Variants in FAM227B observed in about 807,000 individuals in gnomAD.
FAM227B encodes family with sequence similarity 227 member B.
A neutral mutation model predicts 73.8 loss-of-function variants in FAM227B; 88 were observed. The observed-to-expected ratio is 1.19, with a 90% CI of 1.00 to 1.42. The LOEUF is 1.42. Ranked by LOEUF, FAM227B falls within the 40% of genes most tolerant of loss-of-function variation. FAM227B has a pLI of 0.00. For synonymous variants in FAM227B, 210 were observed against 190.5 expected, an observed-to-expected ratio of 1.10 and a Z score of -0.84; for missense variants, 632 against 590.9, an observed-to-expected ratio of 1.07 and a Z score of -0.72.
intron 5 of FAM227B, among the ~76,000 whole-genome samples, chr15:49,586,828 A>G (rs1280995032): frequency 3.9e-5 from 6 of 152,206 alleles, no homozygotes; most frequent in African/African-American, 7.2e-5. Context: ...GCAATGAGAT[A>G]CCATCTCACA....
intron 11 of FAM227B, among the ~76,000 whole-genome samples, chr15:49,419,994 T>C (rs949301945): frequency 2.0e-5 from 3 of 152,192 alleles, no homozygotes; most frequent in African/African-American, 7.2e-5. Flanking sequence ...TACAATTTAA[T>C]GGCATTTTCA....
rs191740733 is a variant in FAM227B, at chr15:49,385,500, A to C, written c.1013-14101T>G. Among the ~76,000 whole-genome samples the C allele has an allele frequency of 1.1e-4, 17 of 151,898 alleles. 1 individual carries two copies. In the East Asian group the frequency reaches 3.3e-3, roughly 29 times the overall value. On this transcript the variant is annotated intron_variant, in intron 11 of 15. Transcript: ENST00000299338. ...AATGGTAATCAATATTGTTATTAAT[A>C]AAAGGGGTTCTAAGCCTTAAAACAA...
At chr15:49,600,352 T>C (rs960279988) in intron 3 of FAM227B, among the ~76,000 whole-genome samples, 3 of 130,220 alleles carry the variant, frequency 2.3e-5, no homozygotes, top group African/African-American at 5.1e-5. Flanking sequence ...CTTTCTTTCT[T>C]TTTTTTTTTT....
intron 11 of FAM227B, chr15:49,487,166 CA>C (rs1280037564): frequency 1.3e-5 from 2 of 151,760 alleles, no homozygotes; most frequent in African/African-American, 4.8e-5. Context: ...TGATTTGACT[CA>C]AAAGGAGAAA....
rs888847038 is a variant in FAM227B at position 49,620,818 on chromosome 15, C to G, written c.-191G>C. 1 of 152,144 alleles carries G rather than the reference C, an allele frequency of 6.6e-6. No individual in the cohort carries two copies. Among genetic ancestry groups the G allele is most frequent in the South Asian group, 2.1e-4 (1 of 4,822 alleles). 9.4% of individuals were successfully genotyped at this position (152,144 alleles called of 1,614,324 possible). A position where few individuals can be genotyped will look rare whatever the true frequency, so the allele number is the denominator to read the frequency against. On this transcript the variant is annotated 5_prime_UTR_variant, in exon 1 of 16. Coordinates refer to ENST00000299338, the MANE Select transcript of FAM227B (RefSeq NM_152647.3). ...GCTTGAGGCGGGTCCCGGACGAACG[C>G]GGCCCTGCCCCTCGCCGGAGCCTCT...
chr15:49,365,859 T>C (rs569741232), intron 13 of FAM227B: 1 of 906,376 alleles, frequency 1.1e-6, no homozygotes, highest in African/African-American at 1.6e-5. Flanking sequence ...CAATTGTGCA[T>C]TGTCCATATG....
At chr15:49,424,251 T>C (rs2049933431) in intron 11 of FAM227B, 1 of 1,536,916 alleles carries the variant, frequency 6.5e-7, no homozygotes, top group Non-Finnish European at 8.9e-7. Flanking sequence ...CAACTCAAGA[T>C]TCATTTTCAT....
intron 11 of FAM227B, among the ~76,000 whole-genome samples, chr15:49,438,484 T>C (rs1224602626): frequency 1.3e-5 from 2 of 151,716 alleles, no homozygotes; most frequent in Admixed American, 6.6e-5. Flanking sequence ...GGGAGAAAAG[T>C]AGGCTAGAAA....
At chr15:49,589,357 C>T (rs530679857) in intron 4 of FAM227B, among the ~76,000 whole-genome samples, 18 of 152,132 alleles carry the variant, frequency 1.2e-4, no homozygotes, top group Non-Finnish European at 2.4e-4. Flanking sequence ...TGTACCTCCA[C>T]TCCAATTTAA....
At chr15:49,553,375 G>C (rs8025059) in intron 9 of FAM227B, among the ~76,000 whole-genome samples, 49,607 of 152,046 alleles carry the variant, frequency 0.33, 8,839 homozygotes, top group African/African-American at 0.45. Context: ...TGGGTAAGAC[G>C]TGAAGCCAGA....
intron 13 of FAM227B, among the ~76,000 whole-genome samples, chr15:49,353,317 C>T (rs1253596224): frequency 6.6e-6 from 1 of 152,102 alleles, no homozygotes; most frequent in Non-Finnish European, 1.5e-5. Context: ...TATGTTTCCT[C>T]TCTGATCCTC....
At chr15:49,524,119 A>G (rs1424874861) in intron 10 of FAM227B, among the ~76,000 whole-genome samples, 1 of 152,220 alleles carries the variant, frequency 6.6e-6, no homozygotes, top group Non-Finnish European at 1.5e-5. Flanking sequence ...AGTAATGAAG[A>G]GCTGAATGTT....
intron 11 of FAM227B, chr15:49,424,483 G>C (rs747759102): frequency 6.2e-7 from 1 of 1,613,458 alleles, no homozygotes; most frequent in South Asian, 1.1e-5. Flanking sequence ...TGGAAGGAGG[G>C]GATATAAGAG....
chr15:49,378,888 A>G (rs896203271), intron 11 of FAM227B, among the ~76,000 whole-genome samples: 4 of 151,798 alleles, frequency 2.6e-5, no homozygotes. Context: ...TAGATCTTAG[A>G]GCTTTTAGTT....
At position 49,423,014 on chromosome 15, in the gene FAM227B, C is replaced by T. The variant is rs188336070; in HGVS notation, c.1013-51615G>A. On this transcript the variant is annotated intron_variant, in intron 11 of 15. Transcript: ENST00000299338. Reference sequence around the variant, plus strand: ...AAAGAAGGTTTAAAAAATTCCCTTTCCCCTTCTAACTGCTTCAGAACCAGA... The same window carrying T: ...AAAGAAGGTTTAAAAAATTCCCTTTTCCCTTCTAACTGCTTCAGAACCAGA... 2.8e-3 allele frequency: 706 copies of T among 253,426 alleles called. 8 individuals carry two copies. Among genetic ancestry groups the T allele is most frequent in the African/African-American group, 0.015 (667 of 45,144 alleles). 15.7% of individuals were successfully genotyped at this position (253,426 alleles called of 1,614,324 possible).
intron 5 of FAM227B, among the ~76,000 whole-genome samples, chr15:49,578,428 T>C (rs960737391): frequency 2.0e-5 from 3 of 152,016 alleles, no homozygotes; most frequent in Non-Finnish European, 2.9e-5. Flanking sequence ...TAAATATATA[T>C]ATATAAAACA....
intron 11 of FAM227B, among the ~76,000 whole-genome samples, chr15:49,429,535 G>C (rs2050411459): frequency 6.6e-6 from 1 of 151,786 alleles, no homozygotes. Context: ...TACAGTTCTA[G>C]AGCATTCAGA....
chr15:49,589,646 C>T, intron 4 of FAM227B, 130 bp downstream of exon 4: 1 of 640,588 alleles, frequency 1.6e-6, no homozygotes, highest in Non-Finnish European at 2.8e-6. Flanking sequence ...GGTGCACTGG[C>T]TTATGCCTGT....
chr15:49,363,420 A>G (rs1430400204), intron 13 of FAM227B, among the ~76,000 whole-genome samples: 1 of 151,988 alleles, frequency 6.6e-6, no homozygotes, highest in Admixed American at 6.6e-5. Flanking sequence ...TTTGATTCTC[A>G]GCTTGGATGT....
Sources: allele counts gnomAD v4.1 joint callset (sites outside exome capture counted in the v4.1 genomes callset), GRCh38; gene constraint gnomAD v4.1.1; transcripts MANE v1.5; gene names NCBI Gene and HGNC (gene_info 2026-07-23, HGNC 2026-07-21).